NXN: variants seen among roughly 807,000 people sequenced by gnomAD.
The protein encoded by NXN is nucleoredoxin.
In NXN, 16 loss-of-function variants were observed where a neutral mutation model predicts 48.6. The observed-to-expected ratio is 0.33, with a 90% CI of 0.22 to 0.50. NXN has a LOEUF of 0.50. NXN is among the 20% of genes least tolerant of loss of function. The probability of loss-of-function intolerance (pLI) is 0.98; values close to 1 mark genes in which losing one functional copy is unlikely to be tolerated. For synonymous variants in NXN, 281 were observed against 269.6 expected, an observed-to-expected ratio of 1.04 and a Z score of -0.41; for missense variants, 492 against 605.5, an observed-to-expected ratio of 0.81 and a Z score of 1.97.
intron 5 of NXN, among the ~76,000 whole-genome samples, chr17:813,525 G>T (rs375499369): frequency 4.6e-5 from 7 of 152,362 alleles, no homozygotes; most frequent in East Asian, 1.9e-4. Flanking sequence ...ATGATATAAT[G>T]ATTTCCTTAA....
intron 1 of NXN, among the ~76,000 whole-genome samples, chr17:853,723 A>ATT (rs1221156589): frequency 0.023 from 2,406 of 105,926 alleles, 62 homozygotes; most frequent in Non-Finnish European, 0.03. Flanking sequence ...ATATATATAT[A>ATT]TTTTTTTTTT....
At chr17:857,582 T>C (rs1218775939) in intron 1 of NXN, among the ~76,000 whole-genome samples, 1 of 152,158 alleles carries the variant, frequency 6.6e-6, no homozygotes, top group Non-Finnish European at 1.5e-5. Context: ...ATTCTAAAGC[T>C]GAAGTTAAGG....
At chr17:833,790 TA>T (rs1327053626) in intron 1 of NXN, among the ~76,000 whole-genome samples, 6 of 152,192 alleles carry the variant, frequency 3.9e-5, no homozygotes, top group Non-Finnish European at 5.9e-5. Flanking sequence ...GAGAGAGAGA[TA>T]ATCCTGCCCC....
Position 800,698 on chromosome 17 carries a change from C to A in NXN, c.*251G>T, listed in dbSNP as rs551575671. ...TGACTTTGCGAAAGCCATGCAGCCC[C>A]GCTCTGGCCGGGCCCCCGGCCATCC... On this transcript the variant is annotated 3_prime_UTR_variant, in exon 8 of 8. Transcript: ENST00000336868. 4 of 335,490 alleles carry A rather than the reference C, an allele frequency of 1.2e-5. No homozygotes were observed. Among genetic ancestry groups the A allele is most frequent in the African/African-American group, 6.4e-5 (3 of 47,178 alleles). 20.8% of individuals were successfully genotyped at this position (335,490 alleles called of 1,614,324 possible).
chr17:888,299 A>G (rs2068371167), intron 1 of NXN, among the ~76,000 whole-genome samples: 1 of 152,080 alleles, frequency 6.6e-6, no homozygotes, highest in Admixed American at 6.6e-5. Context: ...GCTCACTGCA[A>G]CCTCGACCTC....
rs111971562 is a variant in NXN at position 956,335 on chromosome 17, G to A, written c.360+22984C>T. On this transcript the variant is annotated intron_variant, in intron 1 of 7. Transcript: ENST00000336868. The surrounding 1 kb of genome is among the most constrained non-coding windows in gnomAD (Gnocchi z 4.1). ...GTTTCTCTGCCCTCAGGAAACCATC[G>A]GGTCTCGTGGAACAGAACAGTGGTC... 8.7e-4 allele frequency among the ~76,000 whole-genome samples: 133 copies of A among 152,262 alleles called. 1 individual carries two copies. The highest frequency in any genetic ancestry group is 1.2e-3 in the Non-Finnish European group (82 of 68,016).
chr17:823,364 A>C (rs1912920626), intron 3 of NXN, among the ~76,000 whole-genome samples: 1 of 151,372 alleles, frequency 6.6e-6, no homozygotes, highest in Non-Finnish European at 1.5e-5. Context: ...GCGCCACTGC[A>C]CTCCAGCCTG....
At chr17:811,711 CTCA>C (rs1912021259) in intron 5 of NXN, among the ~76,000 whole-genome samples, 1 of 152,242 alleles carries the variant, frequency 6.6e-6, no homozygotes, top group South Asian at 2.1e-4. Flanking sequence ...GGGGCCCAAA[CTCA>C]TCATCAAGAC....
At chr17:915,223 T>C (rs142207243) in intron 1 of NXN, among the ~76,000 whole-genome samples, 2,022 of 151,916 alleles carry the variant, frequency 0.013, 47 homozygotes, top group African/African-American at 0.045. Context: ...CGTGAGCCAC[T>C]GCACCCGGCC....
chr17:892,276 C>A (rs1265417268), intron 1 of NXN, among the ~76,000 whole-genome samples: 1 of 152,018 alleles, frequency 6.6e-6, no homozygotes. Context: ...GGGAACTAAG[C>A]TAACCCCACC....
At chr17:906,511 G>A (rs983969242) in intron 1 of NXN, among the ~76,000 whole-genome samples, 1 of 151,820 alleles carries the variant, frequency 6.6e-6, no homozygotes, top group African/African-American at 2.4e-5. Context: ...TCACAAGGCT[G>A]TCTCGAGGCT....
chr17:810,332 T>C lies in NXN; in HGVS notation c.821-5085A>G, dbSNP rs1467075386. Among the ~76,000 whole-genome samples the C allele has an allele frequency of 4.0e-5, 6 of 151,680 alleles. 1 individual carries two copies. Among genetic ancestry groups the C allele is most frequent in the African/African-American group, 7.3e-5 (3 of 41,314 alleles). Reference sequence around the variant, plus strand: ...GAGTGGTGTGCACGTTACGAGTGCATGTGAGTGGCGTGTACGTTAAGAGTC... The same window carrying C: ...GAGTGGTGTGCACGTTACGAGTGCACGTGAGTGGCGTGTACGTTAAGAGTC... On this transcript the variant is annotated intron_variant, in intron 5 of 7. Transcript: ENST00000336868.
rs147920518 is a variant in NXN at position 944,954 on chromosome 17, A to G, written c.360+34365T>C. The stretch of plus-strand genomic sequence containing the variant: ...ACCGAGAAGAGAAAACTGGGTACAT[A>G]ATGGATTTTTCTAAAATGGGGTAGG... On this transcript the variant is annotated intron_variant, in intron 1 of 7. Transcript: ENST00000336868. 2.7e-3 allele frequency among the ~76,000 whole-genome samples: 410 copies of G among 152,180 alleles called. 2 individuals carry two copies. Among genetic ancestry groups the G allele is most frequent in the Non-Finnish European group, 4.3e-3 (291 of 67,986 alleles).
chr17:971,602 C>T (rs972292779), intron 1 of NXN, among the ~76,000 whole-genome samples: 6 of 151,522 alleles, frequency 4.0e-5, no homozygotes, highest in South Asian at 2.1e-4. Flanking sequence ...CCCAGCTCCT[C>T]GGGAGGCTGC....
At chr17:809,890 TAA>T (rs1488716328) in intron 5 of NXN, among the ~76,000 whole-genome samples, 5 of 149,312 alleles carry the variant, frequency 3.3e-5, no homozygotes, top group African/African-American at 7.4e-5. Flanking sequence ...GCGTGTACGT[TAA>T]GAGTCCCTGT....
Position 800,170 on chromosome 17 carries a change from C to T in NXN, c.*779G>A, listed in dbSNP as rs559312725. The T allele has an allele frequency of 2.0e-5, 3 of 152,488 alleles. No homozygotes were observed. The highest frequency in any genetic ancestry group is 1.9e-4 in the East Asian group (1 of 5,178). 9.4% of individuals were successfully genotyped at this position (152,488 alleles called of 1,614,324 possible). A position where few individuals can be genotyped will look rare whatever the true frequency, so the allele number is the denominator to read the frequency against. ...GGGTGATCGAACGTGGGTGTGGGCA[C>T]CTCAGCAGAGATCAGGGGCCTTGGG... On this transcript the variant is annotated 3_prime_UTR_variant, in exon 8 of 8. Coordinates refer to ENST00000336868, the MANE Select transcript of NXN (RefSeq NM_022463.5).
At chr17:918,302 C>G (rs1320001348) in intron 1 of NXN, among the ~76,000 whole-genome samples, 1 of 152,088 alleles carries the variant, frequency 6.6e-6, no homozygotes, top group Non-Finnish European at 1.5e-5. Flanking sequence ...TCCTTTGTAA[C>G]GTTCGGTTTG....
At position 974,543 on chromosome 17, in the gene NXN, G is replaced by A. The variant is rs543913534; in HGVS notation, c.360+4776C>T. Among the ~76,000 whole-genome samples the A allele has an allele frequency of 3.3e-4, 50 of 151,834 alleles. 1 individual carries two copies. The highest frequency in any genetic ancestry group is 1.1e-3 in the African/African-American group (47 of 41,400). On this transcript the variant is annotated intron_variant, in intron 1 of 7. Coordinates refer to ENST00000336868, the MANE Select transcript of NXN (RefSeq NM_022463.5). ...GCCAGGCACGTGTATATTATCTCGC[G>A]TAGCCTTTACACAATAAGGCAGGTG...
At position 800,849 on chromosome 17, in the gene NXN, T is replaced by G. The variant is rs1597604578; in HGVS notation, c.*100A>C. On this transcript the variant is annotated 3_prime_UTR_variant, in exon 8 of 8. Coordinates refer to ENST00000336868, the MANE Select transcript of NXN (RefSeq NM_022463.5). ...ACAGAGAGGCTGGACACTTGGGTGG[T>G]GGGATTCGGGGCACGCTGGGTAAGT... is the stretch of plus-strand genomic sequence containing the variant. 2 of 738,754 alleles carry G rather than the reference T, an allele frequency of 2.7e-6. No homozygotes were observed. Among genetic ancestry groups the G allele is most frequent in the South Asian group, 4.4e-5 (1 of 22,866 alleles). 45.8% of individuals were successfully genotyped at this position (738,754 alleles called of 1,614,324 possible).
Sources: gnomAD v4.1 joint callset for allele counts (sites outside exome capture counted in the v4.1 genomes callset) on GRCh38, gnomAD v4.1.1 for gene constraint, Gnocchi (gnomAD v3.1) non-coding constraint, MANE v1.5 for transcripts, NCBI Gene and HGNC (gene_info 2026-07-23, HGNC 2026-07-21) for gene names.